The following LDLRAD3 variants were observed in gnomAD, a reference collection of about 807,000 sequenced individuals.
LDLRAD3 encodes low-density lipoprotein receptor class A domain-containing protein 3.
A neutral mutation model predicts 29.4 loss-of-function variants in LDLRAD3; 20 were observed. The observed-to-expected ratio is 0.68, with a 90% CI of 0.48 to 0.99. The LOEUF is 0.99. Among genes scored for constraint, LDLRAD3 ranks in the 50% least tolerant of loss-of-function variants. The pLI is 0.00. For missense variants in LDLRAD3, 420 were observed against 454.3 expected (o/e 0.92, Z 0.69); for synonymous variants, 157 against 192.7 (o/e 0.81, Z 1.53).
chr11:36,167,524 A>C (rs182851547), intron 4 of LDLRAD3, among the ~76,000 whole-genome samples: 19 of 152,286 alleles, frequency 1.2e-4, no homozygotes, highest in African/African-American at 4.6e-4. Flanking sequence ...GGACCACGTG[A>C]AGACAGAAAC....
intron 4 of LDLRAD3, among the ~76,000 whole-genome samples, chr11:36,128,353 C>G (rs1316394785): frequency 6.6e-6 from 1 of 151,996 alleles, no homozygotes; most frequent in African/African-American, 2.4e-5. Flanking sequence ...ATTTCTTCTG[C>G]CCAGCCTTGT....
intron 4 of LDLRAD3, among the ~76,000 whole-genome samples, chr11:36,148,339 C>G (rs1854228070): frequency 6.6e-6 from 1 of 152,116 alleles, no homozygotes; most frequent in Non-Finnish European, 1.5e-5. Context: ...GGGAAGGAGA[C>G]ATCTGCGAGT....
chr11:36,049,506 C>G (rs1185711581), intron 2 of LDLRAD3, among the ~76,000 whole-genome samples: 1 of 152,166 alleles, frequency 6.6e-6, no homozygotes, highest in East Asian at 1.9e-4. Flanking sequence ...GGTAGAGAAT[C>G]TTTGAAGTCA....
At chr11:36,051,761 A>G (rs1430756750) in intron 2 of LDLRAD3, among the ~76,000 whole-genome samples, 2 of 129,348 alleles carry the variant, frequency 1.5e-5, no homozygotes, top group Non-Finnish European at 3.1e-5. Context: ...AACAAAAAGA[A>G]AGAAAAGAAA....
chr11:36,081,529 A>C, intron 2 of LDLRAD3, 124 bp from the exon 3 acceptor site: 1 of 1,300,940 alleles, frequency 7.7e-7, no homozygotes, highest in Non-Finnish European at 1.1e-6. Context: ...AATGAGAAGA[A>C]AGCTTCAAGG....
chr11:36,189,782 A>G lies in LDLRAD3; in HGVS notation c.455-37303A>G, dbSNP rs1345243410. ...TGTGATGTTCCATTTCCTGTGTCCA[A>G]ATGTTCTCATTGTTCAGTTCCCACC... On this transcript the variant is annotated intron_variant, in intron 4 of 5. Coordinates refer to ENST00000315571, the MANE Select transcript of LDLRAD3 (RefSeq NM_174902.4). Among the ~76,000 whole-genome samples the G allele has an allele frequency of 4.0e-5, 6 of 151,774 alleles. No individual in the cohort carries two copies. The East Asian group carries it at 5.8e-4, about 15-fold the overall frequency.
At chr11:36,070,061 C>T (rs1414522971) in intron 2 of LDLRAD3, among the ~76,000 whole-genome samples, 1 of 152,218 alleles carries the variant, frequency 6.6e-6, no homozygotes. Context: ...GCACTATTTG[C>T]ATTACATGCA....
intron 1 of LDLRAD3, among the ~76,000 whole-genome samples, chr11:35,985,179 C>T (rs574479275): frequency 9.2e-5 from 14 of 152,274 alleles, no homozygotes; most frequent in African/African-American, 1.9e-4. Context: ...AATTCACTCA[C>T]CTTTGTTCCC....
intron 1 of LDLRAD3, among the ~76,000 whole-genome samples, chr11:35,973,467 G>GC (rs1554953063): frequency 2.0e-5 from 3 of 151,540 alleles, no homozygotes. Context: ...TGTTTGTTTT[G>GC]TTTTTTTTGA....
chr11:36,080,201 G>A (rs893641302), intron 2 of LDLRAD3, among the ~76,000 whole-genome samples: 1 of 152,140 alleles, frequency 6.6e-6, no homozygotes, highest in Non-Finnish European at 1.5e-5. Flanking sequence ...AAGACAAGAG[G>A]GATGCTACAT....
chr11:36,076,752 T>G (rs1853017205), intron 2 of LDLRAD3, among the ~76,000 whole-genome samples: 1 of 152,334 alleles, frequency 6.6e-6, no homozygotes, highest in Non-Finnish European at 1.5e-5. Context: ...TATTTACATA[T>G]TTGTTCACCC....
chr11:36,212,004 A>G (rs1855289289), intron 4 of LDLRAD3, among the ~76,000 whole-genome samples: 1 of 152,238 alleles, frequency 6.6e-6, no homozygotes, highest in African/African-American at 2.4e-5. Flanking sequence ...TCTGCTAAGC[A>G]TTTAATTTTG....
At chr11:36,181,701 G>T (rs890156788) in intron 4 of LDLRAD3, among the ~76,000 whole-genome samples, 1 of 152,118 alleles carries the variant, frequency 6.6e-6, no homozygotes. Flanking sequence ...ATACACTGCC[G>T]TATTTCTAAT....
intron 4 of LDLRAD3, among the ~76,000 whole-genome samples, chr11:36,166,000 T>C (rs1398368438): frequency 7.9e-6 from 1 of 127,054 alleles, no homozygotes; most frequent in Non-Finnish European, 1.6e-5. Context: ...CTTCCTTCCT[T>C]CCTCTATTCC....
intron 4 of LDLRAD3, among the ~76,000 whole-genome samples, chr11:36,155,439 G>A (rs942304903): frequency 3.3e-5 from 5 of 152,160 alleles, no homozygotes; most frequent in Non-Finnish European, 2.9e-5. Context: ...TGAAGTCATA[G>A]TTATATTGAC....
At chr11:36,220,602 A>T (rs1486771089) in intron 4 of LDLRAD3, among the ~76,000 whole-genome samples, 1 of 152,194 alleles carries the variant, frequency 6.6e-6, no homozygotes, top group Non-Finnish European at 1.5e-5. Context: ...AATTGATGCA[A>T]AGGACTATGT....
chr11:36,026,138 T>C (rs1852164174), intron 1 of LDLRAD3, among the ~76,000 whole-genome samples: 1 of 152,148 alleles, frequency 6.6e-6, no homozygotes, highest in South Asian at 2.1e-4. Context: ...CCCATTAAAA[T>C]AGTATTTTTT....
intron 4 of LDLRAD3, among the ~76,000 whole-genome samples, chr11:36,205,928 C>T (rs780107774): frequency 1.3e-5 from 2 of 152,162 alleles, no homozygotes; most frequent in Non-Finnish European, 2.9e-5. Context: ...CCTGGGTCTC[C>T]AGTACAGATT....
At chr11:36,168,340 G>A (rs1337647894) in intron 4 of LDLRAD3, among the ~76,000 whole-genome samples, 3 of 152,106 alleles carry the variant, frequency 2.0e-5, no homozygotes, top group Non-Finnish European at 4.4e-5. Flanking sequence ...CCTCCCTGAT[G>A]CTTGTTTTTA....
Sources: gnomAD v4.1 joint callset for allele counts (sites outside exome capture counted in the v4.1 genomes callset) on GRCh38, gnomAD v4.1.1 for gene constraint, MANE v1.5 for transcripts, NCBI Gene and HGNC (gene_info 2026-07-23, HGNC 2026-07-21) for gene names.